The following FAF1 variants were observed in gnomAD, a reference collection of about 807,000 sequenced individuals.
The protein encoded by FAF1 is Fas associated factor 1.
In FAF1, 25 loss-of-function variants were observed where a neutral mutation model predicts 92.5. The observed-to-expected ratio is 0.27, with a 90% CI of 0.20 to 0.38. The LOEUF is 0.38. FAF1 is among the 10% of genes least tolerant of loss of function. The probability of loss-of-function intolerance (pLI) is 1.00; values close to 1 mark genes in which losing one functional copy is unlikely to be tolerated. For missense variants in FAF1, 636 were observed against 793.3 expected (o/e 0.80, Z 2.38); for synonymous variants, 234 against 273.2 (o/e 0.86, Z 1.42).
At chr1:50,870,194 C>T (rs187981575) in intron 1 of FAF1, among the ~76,000 whole-genome samples, 7 of 152,360 alleles carry the variant, frequency 4.6e-5, no homozygotes, top group Admixed American at 2.0e-4. Context: ...CATTGGCTCA[C>T]GCCTATAATC....
At chr1:50,604,680 T>C (rs530160234) in intron 8 of FAF1, among the ~76,000 whole-genome samples, 2 of 152,082 alleles carry the variant, frequency 1.3e-5, no homozygotes, top group Non-Finnish European at 2.9e-5. Flanking sequence ...GCTAATTCTT[T>C]AATTTTTTGT....
At chr1:50,622,753 T>C (rs1406332789) in intron 8 of FAF1, among the ~76,000 whole-genome samples, 1 of 152,162 alleles carries the variant, frequency 6.6e-6, no homozygotes, top group Non-Finnish European at 1.5e-5. Context: ...ACACCTACTA[T>C]GACCTCCTCT....
Position 50,672,399 on chromosome 1 carries a change from C to G in FAF1, c.658-16871G>C, listed in dbSNP as rs564513028. Among the ~76,000 whole-genome samples the G allele has an allele frequency of 1.5e-4, 23 of 152,030 alleles. No individual in the cohort carries two copies. In the East Asian group the frequency reaches 2.3e-3, roughly 15 times the overall value. On this transcript the variant is annotated intron_variant, in intron 7 of 18. Coordinates refer to ENST00000396153, the MANE Select transcript of FAF1 (RefSeq NM_007051.3). Reference sequence around the variant, plus strand: ...ATGGATTTATTAACATTTGGAGCAGCTGGAGGTGGGATGGGGGAGGGACAG... The same window carrying G: ...ATGGATTTATTAACATTTGGAGCAGGTGGAGGTGGGATGGGGGAGGGACAG...
chr1:50,795,935 T>C (rs150181510), intron 3 of FAF1, among the ~76,000 whole-genome samples: 7 of 151,220 alleles, frequency 4.6e-5, no homozygotes, highest in Non-Finnish European at 7.4e-5. Context: ...GCCCAGGAGA[T>C]TTTCTGGGGC....
At chr1:50,637,758 A>G (rs2124231480) in intron 8 of FAF1, among the ~76,000 whole-genome samples, 1 of 150,684 alleles carries the variant, frequency 6.6e-6, no homozygotes, top group Non-Finnish European at 1.5e-5. Flanking sequence ...TATATATAGT[A>G]ATGAAGTCCA....
intron 8 of FAF1, among the ~76,000 whole-genome samples, chr1:50,653,530 G>C (rs1253099456): frequency 1.3e-5 from 2 of 151,946 alleles, no homozygotes; most frequent in Non-Finnish European, 2.9e-5. Context: ...TTGTATTTTT[G>C]GTAGAGACAG....
chr1:50,488,068 C>T (rs1486304014), intron 17 of FAF1, among the ~76,000 whole-genome samples: 1 of 152,106 alleles, frequency 6.6e-6, no homozygotes, highest in Non-Finnish European at 1.5e-5. Context: ...TGAAAATAAA[C>T]CATTTCTTAA....
intron 6 of FAF1, among the ~76,000 whole-genome samples, chr1:50,732,200 G>A (rs965035739): frequency 3.3e-5 from 5 of 151,752 alleles, no homozygotes; most frequent in African/African-American, 4.8e-5. Context: ...TCAGCCTCCC[G>A]AGTAGCTGGG....
chr1:50,859,509 T>G (rs757636351), intron 1 of FAF1, among the ~76,000 whole-genome samples: 2 of 151,834 alleles, frequency 1.3e-5, no homozygotes, highest in Non-Finnish European at 2.9e-5. Flanking sequence ...CCATTTACAA[T>G]AGCCACAAAG....
chr1:50,885,654 T>C lies in FAF1; in HGVS notation c.46-27657A>G, dbSNP rs368395968. Among the ~76,000 whole-genome samples the C allele has an allele frequency of 7.2e-5, 11 of 152,334 alleles. No homozygotes were observed. The East Asian group carries it at 1.5e-3, about 21-fold the overall frequency. ...TATCCATTCAGCCACTGTCTTTCCA[T>C]TGAAGAGTTTAGTCCATTTATATTC... On this transcript the variant is annotated intron_variant, in intron 1 of 18. Coordinates refer to ENST00000396153, the MANE Select transcript of FAF1 (RefSeq NM_007051.3).
intron 18 of FAF1, among the ~76,000 whole-genome samples, chr1:50,473,589 C>T (rs2148998024): frequency 6.6e-6 from 1 of 152,266 alleles, no homozygotes; most frequent in South Asian, 2.1e-4. Flanking sequence ...ACTTCAGTGA[C>T]AGAAGTTAAG....
intron 13 of FAF1, among the ~76,000 whole-genome samples, chr1:50,560,356 G>A (rs557579908): frequency 1.3e-5 from 2 of 152,310 alleles, no homozygotes; most frequent in South Asian, 2.1e-4. Context: ...GCACAGCAGC[G>A]GAAGTTTGCA....
intron 18 of FAF1, chr1:50,451,797 G>T (rs1477525739): frequency 9.3e-5 from 92 of 984,524 alleles, no homozygotes; most frequent in Non-Finnish European, 1.1e-4. Context: ...ACTTACCCAA[G>T]TTTATTCAGC....
chr1:50,799,383 CAA>C (rs887557454), intron 3 of FAF1, among the ~76,000 whole-genome samples: 7 of 151,408 alleles, frequency 4.6e-5, no homozygotes, highest in African/African-American at 9.7e-5. Context: ...CTTAAGCATT[CAA>C]AAAAAAGTTT....
At chr1:50,614,607 A>G (rs903037009) in intron 8 of FAF1, among the ~76,000 whole-genome samples, 1 of 152,174 alleles carries the variant, frequency 6.6e-6, no homozygotes, top group Non-Finnish European at 1.5e-5. Flanking sequence ...TGGGAGGCCA[A>G]GGTGGGCGGA....
intron 1 of FAF1, among the ~76,000 whole-genome samples, chr1:50,930,752 G>A (rs766051090): frequency 1.3e-5 from 2 of 152,036 alleles, no homozygotes; most frequent in Non-Finnish European, 2.9e-5. Flanking sequence ...GCAATGAGCC[G>A]AGATCGTGCC....
intron 15 of FAF1, among the ~76,000 whole-genome samples, chr1:50,526,416 C>T (rs899853017): frequency 1.5e-4 from 22 of 151,622 alleles, no homozygotes; most frequent in African/African-American, 4.8e-4. Flanking sequence ...CACAAAATAG[C>T]GAGACCCCAT....
At chr1:50,637,712 T>TGTGTGTGTGTGC (rs1303561273) in intron 8 of FAF1, among the ~76,000 whole-genome samples, 3 of 150,654 alleles carry the variant, frequency 2.0e-5, no homozygotes, top group East Asian at 2.0e-4. Context: ...TGTGTGTGTG[T>TGTGTGTGTGTGC]GCGTGTGCAT....
chr1:50,638,429 TTTTC>T (rs1416816260), intron 8 of FAF1, among the ~76,000 whole-genome samples: 1 of 147,270 alleles, frequency 6.8e-6, no homozygotes, highest in African/African-American at 2.6e-5. Flanking sequence ...AGGTATTGCT[TTTTC>T]TTTTTCTTTT....
Sources: gnomAD v4.1 joint callset for allele counts (sites outside exome capture counted in the v4.1 genomes callset) on GRCh38, gnomAD v4.1.1 for gene constraint, MANE v1.5 for transcripts, NCBI Gene and HGNC (gene_info 2026-07-23, HGNC 2026-07-21) for gene names.